The following STARD3NL variants were observed in gnomAD, a reference collection of about 807,000 sequenced individuals.
STARD3NL encodes STARD3 N-terminal like.
A neutral mutation model predicts 30.9 loss-of-function variants in STARD3NL; 17 were observed. The ratio of observed to expected loss-of-function variants is 0.55; its 90% CI spans 0.38 to 0.82. STARD3NL has a LOEUF of 0.82. Among genes scored for constraint, STARD3NL ranks in the 40% least tolerant of loss-of-function variants. STARD3NL has a pLI of 0.00. For missense variants in STARD3NL, 234 were observed against 277.6 expected (o/e 0.84, Z 1.12); for synonymous variants, 112 against 100.5 (o/e 1.11, Z -0.69).
intron 7 of STARD3NL, among the ~76,000 whole-genome samples, chr7:38,222,831 A>G (rs1049861636): frequency 1.3e-5 from 2 of 152,168 alleles, no homozygotes; most frequent in Non-Finnish European, 2.9e-5. Context: ...GGACTACCTT[A>G]TTATATTTGC....
chr7:38,190,160 A>T (rs1025033584), intron 1 of STARD3NL, among the ~76,000 whole-genome samples: 1 of 152,220 alleles, frequency 6.6e-6, no homozygotes, highest in Admixed American at 6.5e-5. Flanking sequence ...TAATGGGCAG[A>T]TAGCATATGC....
At chr7:38,180,637 G>T (rs1157576131) in intron 1 of STARD3NL, among the ~76,000 whole-genome samples, 1 of 152,212 alleles carries the variant, frequency 6.6e-6, no homozygotes, top group Non-Finnish European at 1.5e-5. Flanking sequence ...TACTGAGCTA[G>T]TACTGATGGA....
intron 1 of STARD3NL, among the ~76,000 whole-genome samples, chr7:38,179,683 A>G (rs1784168904): frequency 6.6e-6 from 1 of 152,254 alleles, no homozygotes; most frequent in Admixed American, 6.5e-5. Context: ...TATAATAAAC[A>G]TGTAAATCAA....
chr7:38,180,994 C>T (rs927612369), intron 1 of STARD3NL, among the ~76,000 whole-genome samples: 13 of 152,280 alleles, frequency 8.5e-5, no homozygotes, highest in African/African-American at 2.9e-4. Flanking sequence ...AATATTTCAA[C>T]AGCATGAATT....
intron 1 of STARD3NL, among the ~76,000 whole-genome samples, chr7:38,205,245 C>T (rs1418003302): frequency 6.6e-6 from 1 of 152,164 alleles, no homozygotes; most frequent in Non-Finnish European, 1.5e-5. Flanking sequence ...CAATAAAATA[C>T]TGGCAAACCG....
In STARD3NL at chr7:38,190,543, G is replaced by A. The variant is rs112761730; in HGVS notation, c.-59+12123G>A. On this transcript the variant is annotated intron_variant, in intron 1 of 8. Coordinates refer to ENST00000009041, the MANE Select transcript of STARD3NL (RefSeq NM_032016.4). Reference sequence around the variant, plus strand: ...CAGCCTTATGCCCTTACGTTTTTCCGAATGAATCAGAAATAAGTTGCATAC... The same window carrying A: ...CAGCCTTATGCCCTTACGTTTTTCCAAATGAATCAGAAATAAGTTGCATAC... 2.6e-3 allele frequency among the ~76,000 whole-genome samples: 397 copies of A among 152,250 alleles called. 4 individuals are homozygous for A. Among genetic ancestry groups the A allele is most frequent in the African/African-American group, 9.2e-3 (382 of 41,544 alleles).
chr7:38,182,758 G>C (rs1330816510), intron 1 of STARD3NL, among the ~76,000 whole-genome samples: 2 of 152,170 alleles, frequency 1.3e-5, no homozygotes, highest in African/African-American at 2.4e-5. Context: ...TTCCTGAACA[G>C]GCATGGGTAT....
At chr7:38,207,131 C>T (rs967908618) in intron 1 of STARD3NL, among the ~76,000 whole-genome samples, 2 of 152,144 alleles carry the variant, frequency 1.3e-5, no homozygotes, top group Non-Finnish European at 2.9e-5. Flanking sequence ...GTAACTGAGT[C>T]GTTCACCAAG....
intron 7 of STARD3NL, among the ~76,000 whole-genome samples, chr7:38,224,922 A>T (rs762919359): frequency 2.6e-5 from 4 of 152,212 alleles, no homozygotes; most frequent in Non-Finnish European, 5.9e-5. Context: ...CATAATACTG[A>T]TAGGATACAG....
At chr7:38,206,461 C>G (rs535472426) in intron 1 of STARD3NL, among the ~76,000 whole-genome samples, 69 of 152,250 alleles carry the variant, frequency 4.5e-4, no homozygotes, top group Non-Finnish European at 8.1e-4. Context: ...CACCACACTT[C>G]GTTTAATGTC....
At chr7:38,218,032 G>A (rs978020831) in intron 6 of STARD3NL, among the ~76,000 whole-genome samples, 2 of 152,154 alleles carry the variant, frequency 1.3e-5, no homozygotes, top group African/African-American at 4.8e-5. Context: ...CCAAATGATT[G>A]ATTAAGCTTT....
At chr7:38,202,944 G>A (rs1335595117) in intron 1 of STARD3NL, among the ~76,000 whole-genome samples, 1 of 151,956 alleles carries the variant, frequency 6.6e-6, no homozygotes, top group East Asian at 1.9e-4. Flanking sequence ...TGGTGTATAT[G>A]TGCCACATTT....
At chr7:38,189,787 G>T (rs528520584) in intron 1 of STARD3NL, among the ~76,000 whole-genome samples, 3 of 152,322 alleles carry the variant, frequency 2.0e-5, no homozygotes, top group African/African-American at 4.8e-5. Context: ...ATTAAGGGCA[G>T]AATGATTTGG....
intron 6 of STARD3NL, among the ~76,000 whole-genome samples, chr7:38,218,055 C>T (rs1786226543): frequency 6.6e-6 from 1 of 152,108 alleles, no homozygotes; most frequent in Admixed American, 6.6e-5. Flanking sequence ...GGTAAATTAC[C>T]AAGCTGAAAT....
chr7:38,195,929 G>A (rs536997803), intron 1 of STARD3NL, among the ~76,000 whole-genome samples: 16 of 152,234 alleles, frequency 1.1e-4, no homozygotes, highest in South Asian at 1.0e-3. Context: ...GACATTATTC[G>A]TGTTTGAACC....
In STARD3NL at chr7:38,228,851, A is replaced by G. The variant is rs1338689001; in HGVS notation, c.702A>G (p.Leu234=). 6 of 1,612,032 alleles carry G rather than the reference A, an allele frequency of 3.7e-6. No homozygotes were observed. Among genetic ancestry groups the G allele is most frequent in the Non-Finnish European group, 5.1e-6 (6 of 1,178,690 alleles). Residue 234 remains leucine (L), a synonymous_variant, in exon 8 of 9, where the codon CTA becomes CTG. Coordinates refer to ENST00000009041, the MANE Select transcript of STARD3NL (RefSeq NM_032016.4). ...ACAGTGAGAAACCACTTTTAGAACTATGAGTACTACTTTTGTTAAAGTAAG... is the reference window on the plus strand; with the variant it reads ...ACAGTGAGAAACCACTTTTAGAACTGTGAGTACTACTTTTGTTAAAGTAAG... ...KQDSEKPLLE[L] is the part of the protein sequence containing the mutation.
At chr7:38,214,721 G>C (rs1427280386) in intron 3 of STARD3NL, among the ~76,000 whole-genome samples, 1 of 152,128 alleles carries the variant, frequency 6.6e-6, no homozygotes, top group Non-Finnish European at 1.5e-5. Flanking sequence ...GGCTCAAATA[G>C]AACCCATTGA....
chr7:38,212,209 G>T (rs991236228), intron 2 of STARD3NL, among the ~76,000 whole-genome samples: 2 of 152,152 alleles, frequency 1.3e-5, no homozygotes, highest in African/African-American at 4.8e-5. Flanking sequence ...ACTTTGGCTT[G>T]CAGAGGCCCC....
rs1784937316 is a variant in STARD3NL, at chr7:38,197,136, T to TTTCTTTCTTTCTTTCTTTC, written c.-58-10309_-58-10308insCTTTCTTTCTTTCTTTCTT. On this transcript the variant is annotated intron_variant, in intron 1 of 8. Transcript: ENST00000009041. The stretch of plus-strand genomic sequence containing the variant: ...TGATCCTGTGAGATAGCATTACCTT[T>TTTCTTTCTTTCTTTCTTTC]TTTCTTTCTTTCTTTCTTTCTTTCT... Among the ~76,000 whole-genome samples, 43 of 112,380 alleles carry TTTCTTTCTTTCTTTCTTTC rather than the reference T, an allele frequency of 3.8e-4. 1 individual carries two copies. The East Asian group carries it at 4.1e-3, about 11-fold the overall frequency. 73.7% of individuals were successfully genotyped at this position (112,380 alleles called of 152,430 possible).
Sources: allele counts gnomAD v4.1 joint callset (sites outside exome capture counted in the v4.1 genomes callset), GRCh38; gene constraint gnomAD v4.1.1; transcripts MANE v1.5; gene names NCBI Gene and HGNC (gene_info 2026-07-23, HGNC 2026-07-21).